The following ARHGAP15 variants were observed in gnomAD, a reference collection of about 807,000 sequenced individuals.
ARHGAP15 encodes the protein rho GTPase-activating protein 15.
Under a neutral mutation model 63.7 loss-of-function variants are expected in ARHGAP15, and 51 were observed. That is an observed-to-expected ratio of 0.80 (90% confidence interval 0.64 to 1.01). The LOEUF is 1.01. ARHGAP15 is among the 50% of genes least tolerant of loss of function. The probability of loss-of-function intolerance (pLI) is 0.00; values close to 1 mark genes in which losing one functional copy is unlikely to be tolerated. For synonymous variants in ARHGAP15, 191 were observed against 193.8 expected (o/e 0.99, Z 0.12); for missense variants, 560 against 564.6 (o/e 0.99, Z 0.08).
intron 6 of ARHGAP15, among the ~76,000 whole-genome samples, chr2:143,312,941 G>T (rs927271962): frequency 1.3e-5 from 2 of 152,110 alleles, no homozygotes; most frequent in Non-Finnish European, 2.9e-5. Context: ...AACTAAGACT[G>T]CCCTCTTAGT....
chr2:143,160,796 G>T (rs1690262667), intron 2 of ARHGAP15, among the ~76,000 whole-genome samples: 1 of 151,892 alleles, frequency 6.6e-6, no homozygotes. Flanking sequence ...CTCATGCTGT[G>T]AAAATCTTTA....
chr2:143,631,798 T>A (rs1680043092), intron 12 of ARHGAP15, among the ~76,000 whole-genome samples: 1 of 152,106 alleles, frequency 6.6e-6, no homozygotes, highest in Non-Finnish European at 1.5e-5. Context: ...CAGACATTTT[T>A]AATTTTGATA....
chr2:143,438,051 CAGA>C (rs1474978919), intron 8 of ARHGAP15, among the ~76,000 whole-genome samples: 1 of 152,070 alleles, frequency 6.6e-6, no homozygotes, highest in East Asian at 1.9e-4. Context: ...TCTTTGGAAC[CAGA>C]GAAAACCTAT....
Position 143,145,839 on chromosome 2 carries a change from GGTGTGTGT to G in ARHGAP15, c.-14-9605_-14-9598del, listed in dbSNP as rs4008348. On this transcript the variant is annotated intron_variant, in intron 1 of 13. Transcript: ENST00000295095. ...TCCTTCCAATTTATATATGTATAGGGGTGTGTGTGTGTGTGTGTGTGTGTGTGTGTGTG... is the reference window on the plus strand; with the variant it reads ...TCCTTCCAATTTATATATGTATAGGGGTGTGTGTGTGTGTGTGTGTGTGTG... Among the ~76,000 whole-genome samples the G allele has an allele frequency of 7.7e-3, 1,101 of 142,778 alleles. 12 individuals are homozygous for G. Among genetic ancestry groups the G allele is most frequent in the East Asian group, 0.02 (95 of 4,846 alleles). The allele number at this position is 142,778 out of a possible 152,430, so 93.7% of individuals were successfully genotyped here.
chr2:143,600,486 G>A (rs563156625), intron 11 of ARHGAP15, among the ~76,000 whole-genome samples: 2 of 152,214 alleles, frequency 1.3e-5, no homozygotes, highest in African/African-American at 4.8e-5. Context: ...CTTCTTAGCA[G>A]TTAAAAATCT....
intron 13 of ARHGAP15, among the ~76,000 whole-genome samples, chr2:143,750,916 A>G (rs1401428260): frequency 1.3e-5 from 2 of 152,206 alleles, no homozygotes; most frequent in African/African-American, 4.8e-5. Context: ...ATAATTAAGC[A>G]TGAATTCAAA....
At chr2:143,352,063 A>T (rs1306124833) in intron 6 of ARHGAP15, among the ~76,000 whole-genome samples, 2 of 152,154 alleles carry the variant, frequency 1.3e-5, no homozygotes, top group African/African-American at 4.8e-5. Flanking sequence ...AATAACCTTT[A>T]TTGTCCTCAA....
At chr2:143,339,869 T>C (rs1383383664) in intron 6 of ARHGAP15, among the ~76,000 whole-genome samples, 1 of 152,188 alleles carries the variant, frequency 6.6e-6, no homozygotes, top group East Asian at 1.9e-4. Context: ...GTGTCTCACT[T>C]ACTATGTGAA....
At chr2:143,754,228 G>A (rs988060403) in intron 13 of ARHGAP15, among the ~76,000 whole-genome samples, 6 of 152,170 alleles carry the variant, frequency 3.9e-5, no homozygotes, top group African/African-American at 1.4e-4. Context: ...AATACTTGTT[G>A]AGTACTTAAT....
intron 8 of ARHGAP15, among the ~76,000 whole-genome samples, chr2:143,479,954 A>G (rs1157232483): frequency 6.6e-6 from 1 of 152,128 alleles, no homozygotes; most frequent in African/African-American, 2.4e-5. Flanking sequence ...AAACATTGTG[A>G]TGGTATACTT....
At chr2:143,265,221 AT>A (rs55917586) in intron 6 of ARHGAP15, among the ~76,000 whole-genome samples, 9,780 of 146,450 alleles carry the variant, frequency 0.067, 422 homozygotes, top group African/African-American at 0.13. Context: ...TATATCTGTG[AT>A]TTTTTTTTTT....
At chr2:143,364,209 A>C (rs56682068) in intron 6 of ARHGAP15, among the ~76,000 whole-genome samples, 97,190 of 150,146 alleles carry the variant, frequency 0.65, 31,836 homozygotes, top group African/African-American at 0.77. Context: ...ACAACAAAAA[A>C]AAAAAAAAAA....
At chr2:143,150,897 T>C (rs577469794) in intron 1 of ARHGAP15, among the ~76,000 whole-genome samples, 2 of 151,934 alleles carry the variant, frequency 1.3e-5, no homozygotes, top group Non-Finnish European at 2.9e-5. Flanking sequence ...TTAATATGAT[T>C]TGAAGTTAAT....
intron 11 of ARHGAP15, among the ~76,000 whole-genome samples, chr2:143,607,146 A>G (rs1369076398): frequency 1.3e-5 from 2 of 152,142 alleles, no homozygotes; most frequent in African/African-American, 2.4e-5. Context: ...TACTGCAGAT[A>G]CATTTCAGTC....
At chr2:143,434,094 G>T in intron 6 of ARHGAP15, among the ~76,000 whole-genome samples, 1 of 152,006 alleles carries the variant, frequency 6.6e-6, no homozygotes, top group East Asian at 1.9e-4. Flanking sequence ...AAAATAGGAG[G>T]CTGTTTTGAG....
chr2:143,737,629 T>C (rs1685794237), intron 13 of ARHGAP15, among the ~76,000 whole-genome samples: 1 of 152,236 alleles, frequency 6.6e-6, no homozygotes, highest in African/African-American at 2.4e-5. Context: ...GCTTATTTAA[T>C]GTCCTCTGGC....
intron 6 of ARHGAP15, among the ~76,000 whole-genome samples, chr2:143,256,278 T>C (rs1680423144): frequency 6.6e-6 from 1 of 152,102 alleles, no homozygotes; most frequent in Non-Finnish European, 1.5e-5. Flanking sequence ...TTTAGAAGAA[T>C]AGGGTTGAGA....
chr2:143,697,352 TACAGGGGACTTACTTAAATG>T (rs925020930), intron 12 of ARHGAP15, among the ~76,000 whole-genome samples: 10 of 152,198 alleles, frequency 6.6e-5, no homozygotes, highest in African/African-American at 2.4e-4. Flanking sequence ...GAAGAGGACT[TACAGGGGACTTACTTAAATG>T]ATCACTTACT....
rs976643768 is a variant in ARHGAP15, at chr2:143,520,186, G to T, written c.925+822G>T. ...AGATAGAGGTGTTTTCAGAAAAAAG[G>T]ATTGGTGAACCTATTCCCATTTCCA... is the stretch of plus-strand genomic sequence containing the variant. On this transcript the variant is annotated intron_variant, in intron 10 of 13. Coordinates refer to ENST00000295095, the MANE Select transcript of ARHGAP15 (RefSeq NM_018460.4). 2.0e-5 allele frequency among the ~76,000 whole-genome samples: 3 copies of T among 152,258 alleles called. No homozygotes were observed. The South Asian group carries it at 6.2e-4, about 32-fold the overall frequency.
Sources: allele counts gnomAD v4.1 joint callset (sites outside exome capture counted in the v4.1 genomes callset), GRCh38; gene constraint gnomAD v4.1.1; transcripts MANE v1.5; gene names NCBI Gene and HGNC (gene_info 2026-07-23, HGNC 2026-07-21).